Variants in CFTR observed in about 807,000 individuals in gnomAD.
The protein encoded by CFTR is cystic fibrosis transmembrane conductance regulator.
CFTR carries 181 observed loss-of-function variants against 171.6 expected under a neutral mutation model. The observed-to-expected ratio is 1.05, with a 90% CI of 0.93 to 1.19. The LOEUF (loss-of-function observed/expected upper bound fraction) is 1.19, where lower values mean the gene tolerates loss of function less well. Ranked by LOEUF, CFTR falls within the 50% of genes most tolerant of loss-of-function variation. The probability of loss-of-function intolerance (pLI) is 0.00; values close to 1 mark genes in which losing one functional copy is unlikely to be tolerated. For missense variants in CFTR, 1,968 were observed against 1,734.7 expected (o/e 1.13, Z -2.39); for synonymous variants, 583 against 608.0 (o/e 0.96, Z 0.60).
At chr7:117,604,758 T>C (rs1289004543) in intron 17 of CFTR, 1 of 152,222 alleles carries the variant, frequency 6.6e-6, no homozygotes, top group Non-Finnish European at 1.5e-5. Flanking sequence ...TCCTCTGTTT[T>C]GGAGCTAAGA....
At position 117,485,394 on chromosome 7, in the gene CFTR, A is replaced by G. The variant is rs777115072; in HGVS notation, c.53+5247A>G. 3.1e-4 allele frequency among the ~76,000 whole-genome samples: 47 copies of G among 152,320 alleles called. 1 individual carries two copies. Among genetic ancestry groups the G allele is most frequent in the African/African-American group, 1.0e-3 (43 of 41,574 alleles). On this transcript the variant is annotated intron_variant, in intron 1 of 26. Coordinates refer to ENST00000003084, the MANE Select transcript of CFTR (RefSeq NM_000492.4). ...TGAGGTCAAAAGGGGAAAACAGACT[A>G]TGATAAAGATCAAGTTGTTTGGAGA...
intron 3 of CFTR, among the ~76,000 whole-genome samples, chr7:117,517,587 G>A (rs951944396): frequency 5.3e-5 from 8 of 152,148 alleles, no homozygotes; most frequent in Non-Finnish European, 1.0e-4. Flanking sequence ...TGGGATTGCT[G>A]GGTCAAATGG....
rs142215699 is a variant in CFTR, at chr7:117,559,820, T to C, written c.1584+165T>C. On this transcript the variant is annotated intron_variant, in intron 11 of 26. Transcript: ENST00000003084. ...AATTAATAAAACACATGACCTATGC[T>C]TTAAGAAGCTTGCAAACACATGAAA... 2.2e-3 allele frequency among the ~76,000 whole-genome samples: 329 copies of C among 152,258 alleles called. 3 individuals carry two copies. Among genetic ancestry groups the C allele is most frequent in the Non-Finnish European group, 3.9e-3 (266 of 67,994 alleles).
intron 1 of CFTR, among the ~76,000 whole-genome samples, chr7:117,491,803 G>T (rs959996199): frequency 2.6e-5 from 4 of 152,044 alleles, no homozygotes; most frequent in Non-Finnish European, 5.9e-5. Flanking sequence ...GGTACCGGGG[G>T]TTAGGACTCA....
intron 11 of CFTR, among the ~76,000 whole-genome samples, chr7:117,568,145 G>A (rs1791632911): frequency 6.6e-6 from 1 of 152,140 alleles, no homozygotes; most frequent in African/African-American, 2.4e-5. Context: ...TGCCCTTTGG[G>A]GAAGCTGTAG....
chr7:117,541,408 C>T (rs1490199442), intron 8 of CFTR, among the ~76,000 whole-genome samples: 9 of 152,070 alleles, frequency 5.9e-5, no homozygotes, highest in Non-Finnish European at 1.3e-4. Flanking sequence ...AGAAGCAAGG[C>T]AAGGACCAGG....
At position 117,559,547 on chromosome 7, in the gene CFTR, T is replaced by C; in HGVS notation, c.1476T>C (p.Ser492=). 1 of 1,611,926 alleles carries C rather than the reference T, an allele frequency of 6.2e-7. No homozygotes were observed. The highest frequency in any genetic ancestry group is 8.5e-7 in the Non-Finnish European group (1 of 1,178,164). ...IKHSGRISFC[S]QFSWIMPGTI... ...ACAGTGGAAGAATTTCATTCTGTTCTCAGTTTTCCTGGATTATGCCTGGCA... is the reference window on the plus strand; with the variant it reads ...ACAGTGGAAGAATTTCATTCTGTTCCCAGTTTTCCTGGATTATGCCTGGCA... Residue 492 remains serine, a synonymous_variant, in exon 11 of 27, where the codon TCT becomes TCC. Coordinates refer to ENST00000003084, the MANE Select transcript of CFTR (RefSeq NM_000492.4).
In CFTR at chr7:117,647,176, T is replaced by G. The variant is rs1584840158; in HGVS notation, c.3873+4583T>G. Among the ~76,000 whole-genome samples the G allele has an allele frequency of 4.6e-5, 7 of 152,018 alleles. No individual in the cohort carries two copies. In the South Asian group the frequency reaches 1.5e-3, roughly 32 times the overall value. On this transcript the variant is annotated intron_variant, in intron 23 of 26. Coordinates refer to ENST00000003084, the MANE Select transcript of CFTR (RefSeq NM_000492.4). ...AGAGTCTTGCACTGTCACCTAGACT[T>G]GAGTGTGTTACCTTGAACTCCAGGG...
intron 3 of CFTR, among the ~76,000 whole-genome samples, chr7:117,511,136 G>A (rs938419965): frequency 3.9e-5 from 6 of 152,092 alleles, no homozygotes; most frequent in Non-Finnish European, 5.9e-5. Context: ...GCTTCTCTGC[G>A]TCTTCTCAGG....
At chr7:117,495,752 A>G (rs1798226849) in intron 1 of CFTR, among the ~76,000 whole-genome samples, 1 of 152,182 alleles carries the variant, frequency 6.6e-6, no homozygotes. Flanking sequence ...CAAAGTCACT[A>G]TAATGAAAAT....
chr7:117,648,159 G>A (rs911101722), intron 23 of CFTR, among the ~76,000 whole-genome samples: 13 of 147,344 alleles, frequency 8.8e-5, no homozygotes, highest in Non-Finnish European at 1.9e-4. Flanking sequence ...ATATATACAC[G>A]CACACACACA....
intron 7 of CFTR, among the ~76,000 whole-genome samples, chr7:117,537,587 C>A (rs1798978357): frequency 6.6e-6 from 1 of 152,154 alleles, no homozygotes; most frequent in Non-Finnish European, 1.5e-5. Context: ...GGAATTCAGG[C>A]TGCTGAGTCC....
At chr7:117,641,551 G>C (rs1422310394) in intron 22 of CFTR, among the ~76,000 whole-genome samples, 1 of 152,134 alleles carries the variant, frequency 6.6e-6, no homozygotes, top group Non-Finnish European at 1.5e-5. Context: ...CATTTATTCA[G>C]TGCCACTAAC....
chr7:117,608,807 C>T (rs1235269797), intron 18 of CFTR, among the ~76,000 whole-genome samples: 2 of 152,052 alleles, frequency 1.3e-5, no homozygotes, highest in Admixed American at 6.6e-5. Flanking sequence ...AGAAGCAGAT[C>T]TGTTGCACAA....
chr7:117,549,184 C>T (rs1799225549), intron 10 of CFTR, among the ~76,000 whole-genome samples: 1 of 152,156 alleles, frequency 6.6e-6, no homozygotes, highest in African/African-American at 2.4e-5. Context: ...AAAATCATGA[C>T]TTACATTTTG....
intron 5 of CFTR, 105 bp from the exon 6 acceptor site, chr7:117,535,143 T>G: frequency 2.5e-6 from 3 of 1,211,652 alleles, no homozygotes; most frequent in Non-Finnish European, 3.7e-6. Flanking sequence ...ACGAAGTGTT[T>G]GATCATATAA....
chr7:117,518,193 C>A (rs1165216961), intron 3 of CFTR, among the ~76,000 whole-genome samples: 1 of 150,730 alleles, frequency 6.6e-6, no homozygotes, highest in Non-Finnish European at 1.5e-5. Flanking sequence ...ATGGCAAAGA[C>A]CATCATTACC....
chr7:117,548,689 A>G lies in CFTR; in HGVS notation c.1258A>G (p.Lys420Glu), dbSNP rs377629509. Residue 420 changes from lysine to glutamate, a missense_variant, in exon 10 of 27, where the codon AAA (lysine) becomes GAA (glutamate). Lys to Glu is a moderately conservative substitution (Grantham distance 56). Coordinates refer to ENST00000003084, the MANE Select transcript of CFTR (RefSeq NM_000492.4). ...AGCAAAACAAAACAATAACAATAGA[A>G]AAACTTCTAATGGTGATGACAGCCT... ...EKAKQNNNNR[K>E]TSNGDDSLFF... 1.9e-6 allele frequency: 3 copies of G among 1,613,342 alleles called. No homozygotes were observed. The highest frequency in any genetic ancestry group is 2.5e-6 in the Non-Finnish European group (3 of 1,179,654).
intron 21 of CFTR, among the ~76,000 whole-genome samples, chr7:117,623,897 A>G (rs1016840098): frequency 6.6e-6 from 1 of 152,172 alleles, no homozygotes; most frequent in African/African-American, 2.4e-5. Context: ...TTTGTTTAAC[A>G]TGAAGCCTAT....
Sources: gnomAD v4.1 joint callset for allele counts (sites outside exome capture counted in the v4.1 genomes callset) on GRCh38, gnomAD v4.1.1 for gene constraint, MANE v1.5 for transcripts, NCBI Gene and HGNC (gene_info 2026-07-23, HGNC 2026-07-21) for gene names.